Variants in FHIT observed in about 807,000 individuals in gnomAD.
FHIT encodes bis(5'-adenosyl)-triphosphatase.
Under a neutral mutation model 17.9 loss-of-function variants are expected in FHIT, and 19 were observed. The ratio of observed to expected loss-of-function variants is 1.06; its 90% CI spans 0.74 to 1.56. The LOEUF (loss-of-function observed/expected upper bound fraction) is 1.56, where lower values mean the gene tolerates loss of function less well. Ranked by LOEUF, FHIT falls within the 40% of genes most tolerant of loss-of-function variation. The pLI, the probability that FHIT is intolerant of heterozygous loss-of-function variation, is 0.00. For synonymous variants in FHIT, 81 were observed against 69.7 expected (o/e 1.16, Z -0.81); for missense variants, 248 against 189.2 (o/e 1.31, Z -1.82).
In FHIT at chr3:60,821,978, A is replaced by G. The variant is rs1258634847; in HGVS notation, c.-77T>C. ...GTGGCAGGATGCACAGAGCTTTTAT[A>G]GAGGGTCTAAGCAGGCAGGTATTCC... On this transcript the variant is annotated 5_prime_UTR_variant, in exon 4 of 10. Coordinates refer to ENST00000492590, the MANE Select transcript of FHIT (RefSeq NM_002012.4). The G allele has an allele frequency of 2.6e-5, 4 of 152,128 alleles. No individual in the cohort carries two copies. The highest frequency in any genetic ancestry group is 9.7e-5 in the African/African-American group (4 of 41,434). The allele number at this position is 152,128 out of a possible 1,614,324, so 9.4% of individuals were successfully genotyped here.
At chr3:59,810,822 C>G (rs1263833511) in intron 8 of FHIT, among the ~76,000 whole-genome samples, 1 of 152,160 alleles carries the variant, frequency 6.6e-6, no homozygotes, top group Non-Finnish European at 1.5e-5. Flanking sequence ...TGGTAATTAG[C>G]GCATGTAAGC....
intron 5 of FHIT, among the ~76,000 whole-genome samples, chr3:60,497,130 T>C (rs2034331866): frequency 6.6e-6 from 1 of 152,124 alleles, no homozygotes; most frequent in Non-Finnish European, 1.5e-5. Flanking sequence ...GGGCATGGTA[T>C]TGTATCTGGT....
chr3:60,025,863 A>T (rs1439029149), intron 5 of FHIT, among the ~76,000 whole-genome samples: 1 of 152,208 alleles, frequency 6.6e-6, no homozygotes, highest in Admixed American at 6.5e-5. Context: ...TTAATCAGGC[A>T]GCCTCTAAAA....
At chr3:60,215,436 G>T (rs555138439) in intron 5 of FHIT, among the ~76,000 whole-genome samples, 7 of 151,822 alleles carry the variant, frequency 4.6e-5, no homozygotes, top group Admixed American at 4.6e-4. Context: ...CAGAGATCAC[G>T]CCTGTAATCC....
chr3:60,759,667 C>T (rs1046731724), intron 4 of FHIT, among the ~76,000 whole-genome samples: 4 of 151,988 alleles, frequency 2.6e-5, no homozygotes, highest in Admixed American at 6.6e-5. Context: ...AAGTATGTCA[C>T]GAAGGAGGAA....
At chr3:61,147,670 A>G (rs1324213834) in intron 2 of FHIT, among the ~76,000 whole-genome samples, 2 of 149,368 alleles carry the variant, frequency 1.3e-5, no homozygotes, top group Admixed American at 6.7e-5. Context: ...ATATAAAAAA[A>G]TAATAGTTAC....
At chr3:60,720,706 G>T (rs1553707827) in intron 4 of FHIT, among the ~76,000 whole-genome samples, 1 of 152,090 alleles carries the variant, frequency 6.6e-6, no homozygotes, top group East Asian at 1.9e-4. Flanking sequence ...CTAACGTACA[G>T]CCAAAGTGTG....
intron 4 of FHIT, among the ~76,000 whole-genome samples, chr3:60,581,280 T>C (rs1342152173): frequency 6.6e-6 from 1 of 152,064 alleles, no homozygotes; most frequent in Non-Finnish European, 1.5e-5. Flanking sequence ...TTAAAGAGGG[T>C]AAGTAATTTG....
At chr3:60,430,340 T>C (rs1702836331) in intron 5 of FHIT, among the ~76,000 whole-genome samples, 2 of 152,034 alleles carry the variant, frequency 1.3e-5, no homozygotes. Context: ...ACCTTTTTTC[T>C]TCCACAGAGA....
intron 5 of FHIT, among the ~76,000 whole-genome samples, chr3:60,393,512 C>A (rs1701313918): frequency 6.6e-6 from 1 of 151,374 alleles, no homozygotes; most frequent in Admixed American, 6.6e-5. Flanking sequence ...TAAGTGAGGA[C>A]CAATTTTTTC....
At chr3:59,862,669 G>T (rs1702459928) in intron 8 of FHIT, among the ~76,000 whole-genome samples, 1 of 152,186 alleles carries the variant, frequency 6.6e-6, no homozygotes, top group Non-Finnish European at 1.5e-5. Flanking sequence ...GACTTTGAAG[G>T]CAAGTAGTTG....
intron 3 of FHIT, among the ~76,000 whole-genome samples, chr3:60,850,323 TTCTC>T (rs3046704): frequency 0.062 from 7,438 of 119,860 alleles, 225 homozygotes; most frequent in South Asian, 0.085. Flanking sequence ...GTGTCTGCAC[TTCTC>T]TCTCTCTCTC....
intron 3 of FHIT, among the ~76,000 whole-genome samples, chr3:60,949,044 G>C (rs192639435): frequency 3.3e-5 from 5 of 152,172 alleles, no homozygotes; most frequent in Middle Eastern, 3.4e-3. Context: ...TGAAGCGTAG[G>C]GGCCAGCTTC....
intron 4 of FHIT, among the ~76,000 whole-genome samples, chr3:60,632,700 T>A (rs2039477717): frequency 6.6e-6 from 1 of 152,212 alleles, no homozygotes; most frequent in Non-Finnish European, 1.5e-5. Flanking sequence ...TACTTCTTAG[T>A]ATCTTTATCT....
intron 7 of FHIT, among the ~76,000 whole-genome samples, chr3:59,983,712 T>A (rs890195702): frequency 6.6e-6 from 1 of 152,094 alleles, no homozygotes; most frequent in Admixed American, 6.6e-5. Context: ...GATGACAACC[T>A]GGCTGTGGAA....
chr3:60,147,525 G>A (rs1439297156), intron 5 of FHIT, among the ~76,000 whole-genome samples: 1 of 152,150 alleles, frequency 6.6e-6, no homozygotes, highest in Admixed American at 6.5e-5. Context: ...TTCAACATGC[G>A]ACAGGTAGGG....
intron 8 of FHIT, among the ~76,000 whole-genome samples, chr3:59,788,881 G>GTTTTTTTTTTTTTTTTTTTTT (rs60361063): frequency 0.022 from 1,888 of 86,810 alleles, 524 homozygotes; most frequent in African/African-American, 0.04. Context: ...GAGTTCATAT[G>GTTTTTTTTTTTTTTTTTTTTT]TTTTTTTTTT....
chr3:60,075,810 A>G (rs914615765), intron 5 of FHIT, among the ~76,000 whole-genome samples: 2 of 152,126 alleles, frequency 1.3e-5, no homozygotes, highest in Non-Finnish European at 2.9e-5. Context: ...GAGGCCTGGC[A>G]TTCTCATGAA....
chr3:59,887,562 A>G (rs933973084), intron 8 of FHIT, among the ~76,000 whole-genome samples: 1 of 152,216 alleles, frequency 6.6e-6, no homozygotes, highest in African/African-American at 2.4e-5. Flanking sequence ...AGCAGTCATA[A>G]AAACTTGAAG....
Sources: allele counts gnomAD v4.1 joint callset (sites outside exome capture counted in the v4.1 genomes callset), GRCh38; gene constraint gnomAD v4.1.1; transcripts MANE v1.5; gene names NCBI Gene and HGNC (gene_info 2026-07-23, HGNC 2026-07-21).